The following IL1RAPL1 variants were observed in gnomAD, a reference collection of about 807,000 sequenced individuals.
The protein encoded by IL1RAPL1 is interleukin 1 receptor accessory protein like 1.
In IL1RAPL1, 3 loss-of-function variants were observed where a neutral mutation model predicts 48.4. The ratio of observed to expected loss-of-function variants is 0.06; its 90% CI spans 0.03 to 0.16. IL1RAPL1 has a LOEUF of 0.16. Among genes scored for constraint, IL1RAPL1 ranks in the 10% least tolerant of loss-of-function variants. The pLI, the probability that IL1RAPL1 is intolerant of heterozygous loss-of-function variation, is 1.00. For missense variants in IL1RAPL1, 349 were observed against 530.6 expected (o/e 0.66, Z 3.36); for synonymous variants, 185 against 187.7 (o/e 0.99, Z 0.12).
chrX:28,814,077 G>T (rs1243879726), intron 2 of IL1RAPL1, among the ~76,000 whole-genome samples: 2 of 110,509 alleles, frequency 1.8e-5, no homozygotes, highest in Non-Finnish European at 3.8e-5. Flanking sequence ...TAGAAAGAAA[G>T]AGAAATGCTA....
At chrX:28,963,449 C>T (rs1924839859) in intron 2 of IL1RAPL1, among the ~76,000 whole-genome samples, 1 of 110,739 alleles carries the variant, frequency 9.0e-6, no homozygotes, top group Non-Finnish European at 1.9e-5. Flanking sequence ...TACAATATAT[C>T]TGTAATTGAT....
intron 5 of IL1RAPL1, among the ~76,000 whole-genome samples, chrX:29,633,468 T>TACACAC (rs200222696): frequency 2.2e-3 from 213 of 97,744 alleles, no homozygotes; most frequent in Non-Finnish European, 3.7e-3. Flanking sequence ...GATATATATA[T>TACACAC]ACACACACAC....
At chrX:29,592,032 AT>A (rs1464543640) in intron 5 of IL1RAPL1, among the ~76,000 whole-genome samples, 1 of 111,623 alleles carries the variant, frequency 9.0e-6, no homozygotes, top group Non-Finnish European at 1.9e-5. Flanking sequence ...AAAACCTAAA[AT>A]GGGGAAACTC....
intron 2 of IL1RAPL1, among the ~76,000 whole-genome samples, chrX:28,959,626 G>C (rs1924714223): frequency 8.9e-6 from 1 of 111,795 alleles, no homozygotes; most frequent in South Asian, 3.6e-4. Context: ...TCAGGATTAT[G>C]TTATTTGCAT....
At chrX:28,787,082 A>C in intron 1 of IL1RAPL1, among the ~76,000 whole-genome samples, 1 of 112,427 alleles carries the variant, frequency 8.9e-6, no homozygotes, top group Middle Eastern at 4.6e-3. Flanking sequence ...CAAGAGATTC[A>C]GTTAAGGATC....
rs61003668 is a variant in IL1RAPL1, at chrX:29,527,326, CTTT to C, written c.703+128046_703+128048del. ...TAGGACTTGCATGTAGGGAAGGACTCTTTTTTTTTTTTTTTTTTTTTTTTTTTT... is the reference window on the plus strand; with the variant it reads ...TAGGACTTGCATGTAGGGAAGGACTCTTTTTTTTTTTTTTTTTTTTTTTTT... On this transcript the variant is annotated intron_variant, in intron 5 of 10. Transcript: ENST00000378993. Among the ~76,000 whole-genome samples the C allele has an allele frequency of 5.1e-4, 13 of 25,568 alleles. No individual in the cohort carries two copies. The East Asian group carries it at 7.2e-3, about 14-fold the overall frequency. The allele number at this position is 25,568 out of a possible 115,157, so 22.2% of individuals were successfully genotyped here.
chrX:29,271,584 G>C lies in IL1RAPL1; in HGVS notation c.83-11354G>C, dbSNP rs183958573. On this transcript the variant is annotated intron_variant, in intron 2 of 10. Coordinates refer to ENST00000378993, the MANE Select transcript of IL1RAPL1 (RefSeq NM_014271.4). ...GACTGGTGTGAAATAATATCTCATT[G>C]TGGTTTTGATTTGTATTTCTCTAAG... Among the ~76,000 whole-genome samples, 10 of 111,988 alleles carry C rather than the reference G, an allele frequency of 8.9e-5. No homozygotes were observed. The East Asian group carries it at 2.8e-3, about 31-fold the overall frequency.
At chrX:29,899,092 G>A (rs1338679344) in intron 6 of IL1RAPL1, among the ~76,000 whole-genome samples, 1 of 109,364 alleles carries the variant, frequency 9.1e-6, no homozygotes, top group Admixed American at 1.0e-4. Context: ...TCACAGAAGA[G>A]TAATCAGTCT....
chrX:28,820,524 A>G (rs1936925981), intron 2 of IL1RAPL1, among the ~76,000 whole-genome samples: 2 of 111,848 alleles, frequency 1.8e-5, no homozygotes, highest in Admixed American at 9.5e-5. Context: ...TCAAATAGGA[A>G]CAACACATTA....
chrX:29,632,510 A>G (rs1924812669), intron 5 of IL1RAPL1, among the ~76,000 whole-genome samples: 1 of 111,833 alleles, frequency 8.9e-6, no homozygotes, highest in South Asian at 3.7e-4. Flanking sequence ...GTATACTGAT[A>G]TGTGGGCAGT....
chrX:29,130,571 T>C (rs1474731931), intron 2 of IL1RAPL1, among the ~76,000 whole-genome samples: 1 of 112,534 alleles, frequency 8.9e-6, no homozygotes, highest in African/African-American at 3.2e-5. Context: ...TATGACTATA[T>C]TGAGCATTAC....
intron 1 of IL1RAPL1, among the ~76,000 whole-genome samples, chrX:28,681,079 A>G (rs1935054852): frequency 9.0e-6 from 1 of 111,382 alleles, no homozygotes; most frequent in African/African-American, 3.3e-5. Context: ...TTGATTACTG[A>G]TTGAATCTCC....
At chrX:28,715,028 A>G (rs1335964783) in intron 1 of IL1RAPL1, among the ~76,000 whole-genome samples, 4 of 112,382 alleles carry the variant, frequency 3.6e-5, no homozygotes, top group Non-Finnish European at 7.5e-5. Flanking sequence ...ATGTAAGCTC[A>G]GCTCTGGACC....
intron 2 of IL1RAPL1, among the ~76,000 whole-genome samples, chrX:29,067,773 A>G (rs1167256165): frequency 2.7e-5 from 3 of 112,038 alleles, no homozygotes; most frequent in African/African-American, 9.7e-5. Flanking sequence ...GTTTATTATA[A>G]GGAGCATAAA....
At chrX:29,106,937 G>A (rs1928460035) in intron 2 of IL1RAPL1, among the ~76,000 whole-genome samples, 1 of 111,303 alleles carries the variant, frequency 9.0e-6, no homozygotes, top group African/African-American at 3.3e-5. Context: ...TGCTTACTGA[G>A]GGGAAATGGG....
chrX:29,954,726 T>C, intron 10 of IL1RAPL1, 34 bp downstream of exon 10: 2 of 1,046,668 alleles, frequency 1.9e-6, no homozygotes, highest in Non-Finnish European at 2.7e-6. Context: ...AGTGTGCATA[T>C]TCATGTGAGT....
intron 5 of IL1RAPL1, among the ~76,000 whole-genome samples, chrX:29,524,579 GTTAA>G (rs990732910): frequency 2.7e-5 from 3 of 111,376 alleles, no homozygotes; most frequent in African/African-American, 9.8e-5. Context: ...GGGCTAGGTT[GTTAA>G]TTAACTGTCA....
intron 6 of IL1RAPL1, among the ~76,000 whole-genome samples, chrX:29,747,780 A>G (rs1054904560): frequency 8.9e-6 from 1 of 112,706 alleles, no homozygotes; most frequent in African/African-American, 3.2e-5. Flanking sequence ...GCTATTTTGT[A>G]TGATACAGGA....
intron 6 of IL1RAPL1, among the ~76,000 whole-genome samples, chrX:29,692,102 A>G (rs1926790842): frequency 8.9e-6 from 1 of 112,091 alleles, no homozygotes; most frequent in African/African-American, 3.2e-5. Context: ...TATATAAAAT[A>G]TAAGTTTCCC....
Sources: allele counts gnomAD v4.1 joint callset (sites outside exome capture counted in the v4.1 genomes callset), GRCh38; gene constraint gnomAD v4.1.1; transcripts MANE v1.5; gene names NCBI Gene and HGNC (gene_info 2026-07-23, HGNC 2026-07-21).